Variants in RTTN observed in about 807,000 individuals in gnomAD.
RTTN encodes rotatin.
A neutral mutation model predicts 269.2 loss-of-function variants in RTTN; 182 were observed. That is an observed-to-expected ratio of 0.68 (90% CI 0.60 to 0.76). The LOEUF (loss-of-function observed/expected upper bound fraction) is 0.76. Ranked by LOEUF, RTTN falls within the 30% of genes least tolerant of loss-of-function variation. The pLI, the probability that RTTN is intolerant of heterozygous loss-of-function variation, is 0.00. For missense variants in RTTN, 2,545 were observed against 2,608.6 expected (o/e 0.98, Z 0.53); for synonymous variants, 1,006 against 963.5 (o/e 1.04, Z -0.82).
At position 70,088,131 on chromosome 18, in the gene RTTN, A is replaced by C; in HGVS notation, c.4160T>G (p.Leu1387Arg). The C allele has an allele frequency of 5.0e-6, 8 of 1,612,710 alleles. No individual in the cohort carries two copies. Among genetic ancestry groups the C allele is most frequent in the Non-Finnish European group, 6.8e-6 (8 of 1,179,470 alleles). The change falls in exon 31 of 49, where the codon CTG becomes CGG. Residue 1387 changes from leucine to arginine, a missense_variant. Physicochemically the swap from Leu to Arg is moderately radical, Grantham distance 102 (BLOSUM62 -2). Transcript: ENST00000640769. Reference sequence around the variant, plus strand: ...GGTGGTCAGTGCTGATCCTAATCCCAGTGAAGTGAATCTCACCTGTTCAAA... The same window carrying C: ...GGTGGTCAGTGCTGATCCTAATCCCCGTGAAGTGAATCTCACCTGTTCAAA... ...DRDPEVRFTS[L>R]GLGSALTTLE...
intron 35 of RTTN, among the ~76,000 whole-genome samples, chr18:70,065,208 T>C (rs1475171975): frequency 1.3e-5 from 2 of 150,196 alleles, no homozygotes; most frequent in African/African-American, 2.4e-5. Flanking sequence ...TTTTAGATAG[T>C]ATAGTCCTTT....
At chr18:70,036,003 T>C (rs1258872215) in intron 40 of RTTN, among the ~76,000 whole-genome samples, 4 of 152,218 alleles carry the variant, frequency 2.6e-5, no homozygotes, top group Admixed American at 6.5e-5. Flanking sequence ...CACAGTAAGA[T>C]ACCATCTCAC....
Position 70,204,178 on chromosome 18 carries a change from T to G in RTTN, c.305A>C (p.Gln102Pro). The G allele has an allele frequency of 3.7e-6, 6 of 1,614,128 alleles. No homozygotes were observed. Among genetic ancestry groups the G allele is most frequent in the Non-Finnish European group, 5.1e-6 (6 of 1,179,978 alleles). The change falls in exon 3 of 49, where the codon CAG becomes CCG. Residue 102 changes from glutamine (Q) to proline (P), a missense_variant. Transcript: ENST00000640769. ...ATCCAGAATGCCATCAATTTCAGCC[T>G]GCAGATTTGGCTCCACATTAGACCG... ...KLRSNVEPNLQAEIDGILDGL... is the reference protein window; with the variant it reads ...KLRSNVEPNLPAEIDGILDGL...
intron 38 of RTTN, among the ~76,000 whole-genome samples, 168 bp from the exon 39 acceptor site, chr18:70,051,716 C>T (rs1015043658): frequency 3.3e-5 from 5 of 152,152 alleles, no homozygotes; most frequent in African/African-American, 1.2e-4. Context: ...TTTCAATTAA[C>T]TTCTTTTCCA....
intron 40 of RTTN, among the ~76,000 whole-genome samples, chr18:70,034,091 G>C (rs1568272880): frequency 6.6e-6 from 1 of 152,120 alleles, no homozygotes; most frequent in African/African-American, 2.4e-5. Context: ...AAAAGCCATG[G>C]ATCAGATGGA....
intron 18 of RTTN, among the ~76,000 whole-genome samples, chr18:70,144,349 G>A (rs1011538853): frequency 1.3e-5 from 2 of 152,050 alleles, no homozygotes; most frequent in Non-Finnish European, 2.9e-5. Flanking sequence ...ATTCCCGTGG[G>A]CCTCTCCATT....
intron 30 of RTTN, among the ~76,000 whole-genome samples, chr18:70,088,474 TA>T (rs2058758743): frequency 6.6e-6 from 1 of 152,232 alleles, no homozygotes; most frequent in South Asian, 2.1e-4. Flanking sequence ...TCTTCATTCT[TA>T]AAAAAGGTAG....
intron 32 of RTTN, 144 bp from the exon 33 acceptor site, chr18:70,075,685 T>A: frequency 1.7e-6 from 1 of 598,268 alleles, no homozygotes; most frequent in Non-Finnish European, 2.8e-6. Context: ...TACACAGTTA[T>A]AGCAGCCTGA....
At chr18:70,101,778 C>A (rs143813151) in intron 28 of RTTN, among the ~76,000 whole-genome samples, 40 of 152,260 alleles carry the variant, frequency 2.6e-4, no homozygotes, top group Non-Finnish European at 5.3e-4. Context: ...TATATTGTGT[C>A]TTTGTTCTCA....
In RTTN at chr18:70,149,972, TG is replaced by T; in HGVS notation, c.2170del (p.Gln724ArgfsTer17). On this transcript the variant is annotated frameshift_variant and splice_region_variant, in exon 16 of 49. Coordinates refer to ENST00000640769, the MANE Select transcript of RTTN (RefSeq NM_173630.4). LOFTEE classifies it high-confidence loss of function. The stretch of plus-strand genomic sequence containing the variant: ...TAAAAAGTGAATTTCACAGAATACC[TG>T]TAGTATTGGGATGACAGGACAGAGA... ...ESLCPVIPIL[Q>X]GYADTEDPLG... 6.3e-7 allele frequency: 1 copy of T among 1,582,850 alleles called. No homozygotes were observed. Among genetic ancestry groups the T allele is most frequent in the Non-Finnish European group, 8.7e-7 (1 of 1,151,982 alleles).
At chr18:70,176,581 C>A in intron 11 of RTTN, 94 bp downstream of exon 11, 2 of 1,196,164 alleles carry the variant, frequency 1.7e-6, no homozygotes, top group Non-Finnish European at 2.3e-6. Flanking sequence ...AAGCACAATA[C>A]CTTCACACCA....
At chr18:70,086,263 A>G (rs771862993) in intron 32 of RTTN, among the ~76,000 whole-genome samples, 15 of 152,190 alleles carry the variant, frequency 9.9e-5, no homozygotes, top group Non-Finnish European at 1.9e-4. Context: ...ATTTAGGACA[A>G]ACTATTTAAA....
At chr18:70,082,552 TC>T (rs1394333143) in intron 32 of RTTN, among the ~76,000 whole-genome samples, 32 of 152,170 alleles carry the variant, frequency 2.1e-4, no homozygotes, top group Non-Finnish European at 4.4e-4. Context: ...TATGAAACCA[TC>T]CACATTCAGG....
intron 46 of RTTN, among the ~76,000 whole-genome samples, chr18:70,011,281 C>A (rs559665259): frequency 6.6e-6 from 1 of 152,106 alleles, no homozygotes; most frequent in East Asian, 1.9e-4. Flanking sequence ...CAGAGACACA[C>A]ACAAAAAAAG....
intron 28 of RTTN, among the ~76,000 whole-genome samples, chr18:70,106,409 A>C (rs2059322611): frequency 6.6e-6 from 1 of 152,238 alleles, no homozygotes. Context: ...ATAAATTGTT[A>C]CAGGTATATA....
At chr18:70,103,244 C>T (rs563885111) in intron 28 of RTTN, among the ~76,000 whole-genome samples, 1 of 152,026 alleles carries the variant, frequency 6.6e-6, no homozygotes, top group African/African-American at 2.4e-5. Flanking sequence ...TGCAGGGGTA[C>T]CCAACAGCTC....
intron 28 of RTTN, among the ~76,000 whole-genome samples, chr18:70,100,422 A>AT (rs995738638): frequency 2.6e-5 from 4 of 152,144 alleles, no homozygotes; most frequent in African/African-American, 4.8e-5. Context: ...CTGCACATTG[A>AT]TTTTTTGTAT....
chr18:70,140,809 C>T lies in RTTN; in HGVS notation c.2582-621G>A, dbSNP rs529903284. On this transcript the variant is annotated intron_variant, in intron 19 of 48. Transcript: ENST00000640769. ...TCTTATATGTATAGACATGTGCACA[C>T]GCACACACAAATGTTACCGGAACCC... Among the ~76,000 whole-genome samples, 607 of 152,158 alleles carry T rather than the reference C, an allele frequency of 4.0e-3. 6 individuals are homozygous for T. The highest frequency in any genetic ancestry group is 0.014 in the Middle Eastern group (4 of 292).
chr18:70,201,540 G>A (rs563721823), intron 4 of RTTN, among the ~76,000 whole-genome samples: 12 of 140,142 alleles, frequency 8.6e-5, no homozygotes, highest in South Asian at 4.7e-4. Flanking sequence ...CCCGGGAGGC[G>A]GAGCTTGCAG....
Sources: allele counts gnomAD v4.1 joint callset (sites outside exome capture counted in the v4.1 genomes callset), GRCh38; gene constraint gnomAD v4.1.1; transcripts MANE v1.5; gene names NCBI Gene and HGNC (gene_info 2026-07-23, HGNC 2026-07-21).